TRIOBP: variants seen among roughly 807,000 people sequenced by gnomAD.
TRIOBP encodes TRIO and F-actin-binding protein.
In TRIOBP, 169 loss-of-function variants were observed where a neutral mutation model predicts 238.8. That is an observed-to-expected ratio of 0.71 (90% CI 0.62 to 0.80). TRIOBP has a LOEUF of 0.80. Among genes scored for constraint, TRIOBP ranks in the 30% least tolerant of loss-of-function variants. The pLI is 0.00. For missense variants in TRIOBP, 2,838 were observed against 3,122.6 expected (o/e 0.91, Z 2.17); for synonymous variants, 1,150 against 1,274.4 (o/e 0.90, Z 2.08).
Position 37,734,932 on chromosome 22 carries a change from G to A in TRIOBP, c.4596G>A (p.Gly1532=). The A allele has an allele frequency of 6.2e-7, 1 of 1,613,406 alleles. No individual in the cohort carries two copies. Among genetic ancestry groups the A allele is most frequent in the South Asian group, 1.1e-5 (1 of 91,090 alleles). Residue 1532 remains glycine (G), a synonymous_variant, in exon 9 of 24, where the codon GGG becomes GGA. Transcript: ENST00000644935. ...AGTCCTCACAATCCTGGCACTCTGGGACACCCACTGCTGTGGGCTGGGGGG... is the reference window on the plus strand; with the variant it reads ...AGTCCTCACAATCCTGGCACTCTGGAACACCCACTGCTGTGGGCTGGGGGG... The part of the protein sequence containing the change: ...PAESSQSWHS[G]TPTAVGWGAE...
At chr22:37,748,044 C>G (rs1473429695) in intron 11 of TRIOBP, among the ~76,000 whole-genome samples, 2 of 151,964 alleles carry the variant, frequency 1.3e-5, no homozygotes, top group East Asian at 1.9e-4. Context: ...GATGGACTAG[C>G]GAGGAGACAG....
chr22:37,741,160 G>C, intron 11 of TRIOBP, 128 bp downstream of exon 11: 2 of 1,283,672 alleles, frequency 1.6e-6, no homozygotes, highest in Non-Finnish European at 2.1e-6. Flanking sequence ...GCCGTCGCAT[G>C]ACAGGAGAGG....
intron 3 of TRIOBP, among the ~76,000 whole-genome samples, chr22:37,709,367 C>T (rs544727609): frequency 6.6e-6 from 1 of 152,328 alleles, no homozygotes; most frequent in Non-Finnish European, 1.5e-5. Flanking sequence ...TCATGTCTTT[C>T]ATTGTTCTTG....
rs769876154 is a variant in TRIOBP at position 37,726,366 on chromosome 22, C to T, written c.3810C>T (p.Tyr1270=). 9 of 1,603,750 alleles carry T rather than the reference C, an allele frequency of 5.6e-6. No individual in the cohort carries two copies. The highest frequency in any genetic ancestry group is 3.3e-4 in the Middle Eastern group (2 of 6,026). Residue 1270 remains tyrosine, a synonymous_variant, in exon 7 of 24, where the codon TAC becomes TAT. Transcript: ENST00000644935. The part of the protein sequence containing the change: ...ETRHNLEREE[Y]TVLADLPPPR... ...GGCACAACTTGGAGCGGGAGGAGTA[C>T]ACTGTGCTGGCCGACCTGCCCCCAC...
At chr22:37,733,046 C>T (rs1182311034) in intron 7 of TRIOBP, among the ~76,000 whole-genome samples, 2 of 152,266 alleles carry the variant, frequency 1.3e-5, no homozygotes, top group Non-Finnish European at 2.9e-5. Flanking sequence ...CCCCACCCAA[C>T]CGCCTCTACT....
intron 4 of TRIOBP, among the ~76,000 whole-genome samples, chr22:37,711,421 A>G (rs1033044017): frequency 2.0e-5 from 3 of 151,952 alleles, no homozygotes; most frequent in African/African-American, 7.2e-5. Context: ...TCTACTAACT[A>G]TACAAAAATT....
chr22:37,756,496 G>A (rs982726687), intron 15 of TRIOBP, among the ~76,000 whole-genome samples: 1 of 152,192 alleles, frequency 6.6e-6, no homozygotes, highest in Admixed American at 6.5e-5. Flanking sequence ...GCCAGGATGT[G>A]CCCAGAGCAC....
intron 23 of TRIOBP, 76 bp downstream of exon 23, chr22:37,772,840 C>G (rs983746510): frequency 1.7e-5 from 26 of 1,545,938 alleles, no homozygotes; most frequent in Admixed American, 5.3e-5. Context: ...CCTGGACCAC[C>G]CCAGCCAGGC....
chr22:37,738,270 T>C (rs1924771010), intron 9 of TRIOBP, among the ~76,000 whole-genome samples: 1 of 152,132 alleles, frequency 6.6e-6, no homozygotes, highest in Non-Finnish European at 1.5e-5. Flanking sequence ...AGGTGATGGA[T>C]GGATGAACTT....
In TRIOBP at chr22:37,726,490, G is replaced by C. The variant is rs1016862310; in HGVS notation, c.3934G>C (p.Gly1312Arg). The change falls in exon 7 of 24, where the codon GGG becomes CGG. Residue 1312 changes from glycine (G) to arginine (R), a missense_variant. By Grantham distance (125) the Gly-to-Arg change is moderately radical. Coordinates refer to ENST00000644935, the MANE Select transcript of TRIOBP (RefSeq NM_001039141.3). ...CCGTGCAGAGGTGGAGCGCCTCTTC[G>C]GGCAAGAGCGCAGGTGAGCCCGGGG... ...PGRAEVERLF[G>R]QERRKSEAAG... 3.9e-6 allele frequency: 6 copies of C among 1,522,226 alleles called. No homozygotes were observed. The highest frequency in any genetic ancestry group is 1.2e-5 in the South Asian group (1 of 81,630). The allele number at this position is 1,522,226 out of a possible 1,614,324, so 94.3% of individuals were successfully genotyped here.
chr22:37,715,499 C>A (rs1213102738), intron 5 of TRIOBP, among the ~76,000 whole-genome samples: 1 of 151,830 alleles, frequency 6.6e-6, no homozygotes, highest in Non-Finnish European at 1.5e-5. Context: ...CCCGCCACCA[C>A]GCCCAGCTAA....
rs1192705505 is a variant in TRIOBP, at chr22:37,701,419, T to C, written c.54T>C (p.Leu18=). 1.2e-6 allele frequency: 2 copies of C among 1,613,888 alleles called. No homozygotes were observed. Residue 18 remains leucine, a synonymous_variant, in exon 3 of 24, where the codon CTT becomes CTC. Transcript: ENST00000644935. ...GTGAACACTTTGAGGCCAACATACTTACCCAGAACCGCTGTCAAAACTGCT... is the reference window on the plus strand; with the variant it reads ...GTGAACACTTTGAGGCCAACATACTCACCCAGAACCGCTGTCAAAACTGCT... ...ALCEHFEANI[L]TQNRCQNCFH...
At chr22:37,715,350 T>C (rs1923458499) in intron 5 of TRIOBP, among the ~76,000 whole-genome samples, 1 of 148,136 alleles carries the variant, frequency 6.8e-6, no homozygotes, top group Non-Finnish European at 1.5e-5. Flanking sequence ...TTGTTTTTCT[T>C]TTTGTTTTTT....
chr22:37,721,823 C>T (rs1283279885), intron 6 of TRIOBP, among the ~76,000 whole-genome samples: 1 of 152,174 alleles, frequency 6.6e-6, no homozygotes, highest in African/African-American at 2.4e-5. Context: ...CTTTACTCTT[C>T]ACCTAAAGCA....
At position 37,774,646 on chromosome 22, in the gene TRIOBP, C is replaced by G. The variant is rs1043379669; in HGVS notation, c.*866C>G. The G allele has an allele frequency of 6.6e-6, 1 of 152,262 alleles. No homozygotes were observed. Among genetic ancestry groups the G allele is most frequent in the African/African-American group, 2.4e-5 (1 of 41,460 alleles). The allele number at this position is 152,262 out of a possible 1,614,324, so 9.4% of individuals were successfully genotyped here. A position where few individuals can be genotyped will look rare whatever the true frequency, so the allele number is the denominator to read the frequency against. ...GGCTTCTGAGGGTGGGGCTGAAAAT[C>G]CAAGGTCTCCCTTAGTACAGACTGT... is the stretch of plus-strand genomic sequence containing the variant. On this transcript the variant is annotated 3_prime_UTR_variant, in exon 24 of 24. Coordinates refer to ENST00000644935, the MANE Select transcript of TRIOBP (RefSeq NM_001039141.3).
At position 37,715,900 on chromosome 22, in the gene TRIOBP, T is replaced by C. The variant is rs755203153; in HGVS notation, c.594T>C (p.Pro198=). The change falls in exon 6 of 24, where the codon CCT becomes CCC. Residue 198 remains proline, a synonymous_variant. Transcript: ENST00000644935. ...QRAPSLLTRS[P]VGGDAAGQKK... Reference sequence around the variant, plus strand: ...CTCCGTCTCTCCTCACCAGGTCCCCTGTGGGAGGAGATGCTGCAGGCCAGA... The same window carrying C: ...CTCCGTCTCTCCTCACCAGGTCCCCCGTGGGAGGAGATGCTGCAGGCCAGA... 1.4e-5 allele frequency: 22 copies of C among 1,613,414 alleles called. No homozygotes were observed. Among genetic ancestry groups the C allele is most frequent in the Non-Finnish European group, 1.8e-5 (21 of 1,179,870 alleles).
chr22:37,724,541 C>T lies in TRIOBP; in HGVS notation c.1985C>T (p.Ser662Phe). The T allele has an allele frequency of 1.9e-6, 3 of 1,604,538 alleles. No individual in the cohort carries two copies. The highest frequency in any genetic ancestry group is 2.2e-5 in the South Asian group (2 of 89,352). Residue 662 changes from serine (S) to phenylalanine (F), a missense_variant, in exon 7 of 24, where the codon TCT becomes TTT. By Grantham distance (155) the Ser-to-Phe change is radical. Transcript: ENST00000644935. ...CGACGGGACGATCCCAGAGCCTCCTCTCCTAACAGAACCATCCAACAAGAG... is the reference window on the plus strand; with the variant it reads ...CGACGGGACGATCCCAGAGCCTCCTTTCCTAACAGAACCATCCAACAAGAG... ...CARRDDPRAS[S>F]PNRTIQQENP...
intron 16 of TRIOBP, among the ~76,000 whole-genome samples, chr22:37,758,902 C>T (rs922913729): frequency 6.6e-6 from 1 of 152,136 alleles, no homozygotes; most frequent in Non-Finnish European, 1.5e-5. Context: ...TTTTCCTATC[C>T]CTGTCTAGCC....
In TRIOBP at chr22:37,726,475, G is replaced by T. The variant is rs750614465; in HGVS notation, c.3919G>T (p.Val1307Leu). The T allele has an allele frequency of 4.5e-6, 7 of 1,543,312 alleles. No homozygotes were observed. In the Admixed American group the frequency reaches 1.0e-4, roughly 22 times the overall value. ...CACCCACAGCCCTGGCCGTGCAGAG[G>T]TGGAGCGCCTCTTCGGGCAAGAGCG... ...GRTHSPGRAE[V>L]ERLFGQERRK... The change falls in exon 7 of 24, where the codon GTG becomes TTG. Residue 1307 changes from valine to leucine, a missense_variant. Val to Leu is a conservative substitution (Grantham distance 32). This residue lies in a region of TRIOBP where 2,096 missense variants were observed against 2,137.4 expected (regional missense o/e 0.98). Transcript: ENST00000644935.
Sources: allele counts gnomAD v4.1 joint callset (sites outside exome capture counted in the v4.1 genomes callset), GRCh38; gene constraint gnomAD v4.1.1; regional missense constraint gnomAD v4.1.1; transcripts MANE v1.5; gene names NCBI Gene and HGNC (gene_info 2026-07-23, HGNC 2026-07-21).